STAG1: variants seen among roughly 807,000 people sequenced by gnomAD.
STAG1 encodes cohesin subunit SA-1.
A neutral mutation model predicts 170.9 loss-of-function variants in STAG1; 26 were observed. The observed-to-expected ratio is 0.15, with a 90% confidence interval of 0.11 to 0.21. The LOEUF is 0.21. STAG1 is among the 10% of genes least tolerant of loss of function. STAG1 has a pLI of 1.00. For missense variants in STAG1, 964 were observed against 1,509.5 expected, an observed-to-expected ratio of 0.64 and a Z score of 5.99; for synonymous variants, 514 against 497.7, an observed-to-expected ratio of 1.03 and a Z score of -0.44.
intron 6 of STAG1, among the ~76,000 whole-genome samples, chr3:136,525,883 A>C (rs1934991830): frequency 6.6e-6 from 1 of 152,286 alleles, no homozygotes; most frequent in South Asian, 2.1e-4. Flanking sequence ...CAGGTTGTTT[A>C]GTTTCCATGT....
chr3:136,747,361 C>A (rs1934995389), intron 1 of STAG1, among the ~76,000 whole-genome samples: 1 of 152,066 alleles, frequency 6.6e-6, no homozygotes, highest in Non-Finnish European at 1.5e-5. Flanking sequence ...TGTGACTCTG[C>A]CACTTAAGAG....
intron 13 of STAG1, among the ~76,000 whole-genome samples, chr3:136,453,959 GA>G (rs2089024814): frequency 1.3e-5 from 2 of 151,914 alleles, no homozygotes; most frequent in Admixed American, 1.3e-4. Context: ...CATATTAGGG[GA>G]CTAGAGAACT....
chr3:136,749,535 G>A (rs1935120009), intron 1 of STAG1, among the ~76,000 whole-genome samples: 3 of 152,078 alleles, frequency 2.0e-5, no homozygotes, highest in Non-Finnish European at 4.4e-5. Flanking sequence ...ATCACGAGGT[G>A]AAGAGATGGA....
At chr3:136,524,612 G>A (rs943505154) in intron 6 of STAG1, among the ~76,000 whole-genome samples, 6 of 152,112 alleles carry the variant, frequency 3.9e-5, no homozygotes, top group Non-Finnish European at 8.8e-5. Flanking sequence ...GACTGCCCTG[G>A]CCAGAACTTC....
intron 1 of STAG1, among the ~76,000 whole-genome samples, chr3:136,647,286 C>CACCAGTTA (rs1941061174): frequency 3.9e-5 from 6 of 152,056 alleles, no homozygotes; most frequent in Admixed American, 3.9e-4. Flanking sequence ...AAATATCTTT[C>CACCAGTTA]CTGGCCGGGC....
chr3:136,693,819 C>T (rs539282255), intron 1 of STAG1, among the ~76,000 whole-genome samples: 1 of 152,158 alleles, frequency 6.6e-6, no homozygotes, highest in South Asian at 2.1e-4. Context: ...TTGATCCTCC[C>T]ACCTCAGGCT....
At chr3:136,491,451 A>G (rs1211066198) in intron 9 of STAG1, among the ~76,000 whole-genome samples, 3 of 149,858 alleles carry the variant, frequency 2.0e-5, no homozygotes, top group Admixed American at 2.0e-4. Flanking sequence ...TCAACATTCT[A>G]AAGTATATCC....
chr3:136,397,234 G>T (rs1427189169), intron 22 of STAG1, among the ~76,000 whole-genome samples: 4 of 152,126 alleles, frequency 2.6e-5, no homozygotes, highest in African/African-American at 9.7e-5. Flanking sequence ...ATTTATATTT[G>T]TGTCAGATAA....
intron 1 of STAG1, among the ~76,000 whole-genome samples, chr3:136,691,414 G>A (rs1004083753): frequency 6.6e-6 from 1 of 150,714 alleles, no homozygotes; most frequent in African/African-American, 2.5e-5. Flanking sequence ...CAGCCTGGGT[G>A]ACAGAGCGAG....
intron 15 of STAG1, among the ~76,000 whole-genome samples, chr3:136,440,491 G>C (rs1481734171): frequency 6.6e-6 from 1 of 151,670 alleles, no homozygotes; most frequent in Non-Finnish European, 1.5e-5. Context: ...ATGGAACATG[G>C]GGTGATATAC....
At chr3:136,744,993 TAGAAAAGATC>T (rs1934864526) in intron 1 of STAG1, among the ~76,000 whole-genome samples, 1 of 152,150 alleles carries the variant, frequency 6.6e-6, no homozygotes, top group South Asian at 2.1e-4. Flanking sequence ...GCATTCCTAA[TAGAAAAGATC>T]AGAAAATATC....
intron 26 of STAG1, among the ~76,000 whole-genome samples, chr3:136,359,911 A>G (rs1490340986): frequency 6.6e-6 from 1 of 152,248 alleles, no homozygotes; most frequent in Non-Finnish European, 1.5e-5. Context: ...CAGGAATGAC[A>G]ATATATGAAA....
At chr3:136,375,723 T>A (rs898530512) in intron 23 of STAG1, among the ~76,000 whole-genome samples, 2 of 151,396 alleles carry the variant, frequency 1.3e-5, no homozygotes, top group Admixed American at 1.3e-4. Flanking sequence ...GTAATCCCAG[T>A]ACTTTGGGAG....
intron 1 of STAG1, among the ~76,000 whole-genome samples, chr3:136,727,620 T>A (rs1933762168): frequency 6.6e-6 from 1 of 152,178 alleles, no homozygotes; most frequent in Non-Finnish European, 1.5e-5. Flanking sequence ...GAGAGATACT[T>A]TCCCCCTTTT....
At chr3:136,751,505 G>A (rs1236903551) in intron 1 of STAG1, among the ~76,000 whole-genome samples, 1 of 152,092 alleles carries the variant, frequency 6.6e-6, no homozygotes, top group Admixed American at 6.5e-5. Flanking sequence ...CAGTGCTTAG[G>A]CCTGGACACG....
chr3:136,363,229 T>C, intron 26 of STAG1, 137 bp downstream of exon 26: 1 of 449,724 alleles, frequency 2.2e-6, no homozygotes, highest in Non-Finnish European at 3.9e-6. Flanking sequence ...TACCAGAAAA[T>C]ATCCACAGTA....
At chr3:136,749,287 G>C (rs1935109072) in intron 1 of STAG1, among the ~76,000 whole-genome samples, 1 of 152,144 alleles carries the variant, frequency 6.6e-6, no homozygotes, top group Admixed American at 6.6e-5. Context: ...AGGAAATAGG[G>C]AGACTGACTC....
intron 1 of STAG1, among the ~76,000 whole-genome samples, chr3:136,645,729 G>A (rs1478022456): frequency 6.6e-6 from 1 of 152,106 alleles, no homozygotes; most frequent in Non-Finnish European, 1.5e-5. Context: ...CCTACACTCT[G>A]AATTCTCTTA....
At chr3:136,420,237 A>T (rs1411427821) in intron 20 of STAG1, among the ~76,000 whole-genome samples, 6 of 136,006 alleles carry the variant, frequency 4.4e-5, no homozygotes, top group Non-Finnish European at 9.4e-5. Context: ...ACAGAGTGAG[A>T]CTCTGTCAAA....
Sources: gnomAD v4.1 joint callset for allele counts (sites outside exome capture counted in the v4.1 genomes callset) on GRCh38, gnomAD v4.1.1 for gene constraint, MANE v1.5 for transcripts, NCBI Gene and HGNC (gene_info 2026-07-23, HGNC 2026-07-21) for gene names.